ADD1: variants seen among roughly 807,000 people sequenced by gnomAD.
ADD1 encodes the protein adducin 1.
Under a neutral mutation model 80.5 loss-of-function variants are expected in ADD1, and 24 were observed. The observed-to-expected ratio is 0.30, with a 90% CI of 0.22 to 0.42. ADD1 has a LOEUF of 0.42. ADD1 is among the 10% of genes least tolerant of loss of function. The pLI is 1.00. For synonymous variants in ADD1, 373 were observed against 393.8 expected, an observed-to-expected ratio of 0.95 and a Z score of 0.63; for missense variants, 948 against 1,019.0, an observed-to-expected ratio of 0.93 and a Z score of 0.95.
chr4:2,894,355 G>A (rs1311623454), intron 5 of ADD1, among the ~76,000 whole-genome samples: 1 of 151,624 alleles, frequency 6.6e-6, no homozygotes, highest in Non-Finnish European at 1.5e-5. Flanking sequence ...ACTTAAGTTC[G>A]AGACCAGCCT....
At position 2,909,450 on chromosome 4, in the gene ADD1, T is replaced by C. The variant is rs1737631213; in HGVS notation, c.1791+19T>C. On this transcript the variant is annotated intron_variant, in intron 13 of 15. Transcript: ENST00000683351. ...TAGAAAGGTACTCACTGCCCTGTCC[T>C]CACTACCTGTCTATGCGCCTTGCTC... 6.5e-7 allele frequency: 1 copy of C among 1,531,770 alleles called. No homozygotes were observed. The highest frequency in any genetic ancestry group is 1.4e-5 in the African/African-American group (1 of 72,560). 94.9% of individuals were successfully genotyped at this position (1,531,770 alleles called of 1,614,324 possible). A position where few individuals can be genotyped will look rare whatever the true frequency, so the allele number is the denominator to read the frequency against.
At position 2,899,422 on chromosome 4, in the gene ADD1, T is replaced by C; in HGVS notation, c.1148T>C (p.Met383Thr). 1 of 1,614,218 alleles carries C rather than the reference T, an allele frequency of 6.2e-7. No homozygotes were observed. Among genetic ancestry groups the C allele is most frequent in the Non-Finnish European group, 8.5e-7 (1 of 1,180,040 alleles). The stretch of plus-strand genomic sequence containing the variant: ...CAGGAATTTGAAGCCCTCATGCGGA[T>C]GCTCGATAATCTGGTAAGAATGGTG... Reference protein sequence around the residue: ...GEQEFEALMRMLDNLGYRTGY... With the variant: ...GEQEFEALMRTLDNLGYRTGY... Residue 383 changes from methionine to threonine, a missense_variant, in exon 9 of 16, where the codon ATG becomes ACG. Physicochemically the swap from Met to Thr is moderately conservative, Grantham distance 81. Transcript: ENST00000683351.
intron 1 of ADD1, among the ~76,000 whole-genome samples, chr4:2,864,969 G>A (rs752590486): frequency 4.6e-5 from 7 of 152,058 alleles, no homozygotes; most frequent in Non-Finnish European, 7.4e-5. Flanking sequence ...ATGTGTGTGT[G>A]TATATCTATG....
At chr4:2,911,973 T>C (rs957706633) in intron 13 of ADD1, among the ~76,000 whole-genome samples, 1 of 152,198 alleles carries the variant, frequency 6.6e-6, no homozygotes, top group African/African-American at 2.4e-5. Context: ...ACTCTCTCAG[T>C]GACCTGTGTT....
intron 1 of ADD1, among the ~76,000 whole-genome samples, chr4:2,869,246 G>A (rs1192569117): frequency 1.3e-5 from 2 of 152,164 alleles, no homozygotes; most frequent in Non-Finnish European, 2.9e-5. Flanking sequence ...AGAAGTCTAA[G>A]ATCAGGGTGT....
chr4:2,853,121 T>G (rs1013786740), intron 1 of ADD1: 4 of 151,286 alleles, frequency 2.6e-5, no homozygotes, highest in Admixed American at 6.6e-5. Flanking sequence ...TTTTTTTTTT[T>G]TTTTTGAGAC....
intron 1 of ADD1, among the ~76,000 whole-genome samples, chr4:2,845,288 G>C (rs533703838): frequency 6.6e-6 from 1 of 152,240 alleles, no homozygotes; most frequent in East Asian, 1.9e-4. Context: ...GGCCAGGATG[G>C]TCTCAGTCTC....
At chr4:2,858,670 A>G (rs1374972202) in intron 1 of ADD1, among the ~76,000 whole-genome samples, 1 of 152,216 alleles carries the variant, frequency 6.6e-6, no homozygotes, top group Non-Finnish European at 1.5e-5. Flanking sequence ...GCTTATCTTT[A>G]GTTGCTTCAC....
Position 2,874,027 on chromosome 4 carries a change from T to C in ADD1, c.-20-1869T>C, listed in dbSNP as rs925871410. On this transcript the variant is annotated intron_variant, in intron 1 of 15. Coordinates refer to ENST00000683351, the MANE Select transcript of ADD1 (RefSeq NM_001354761.2). ...GAGTTTGAGACCAGCCCGGGCAACA[T>C]AGTGAGACCTCATCTCTACCAAAGA... 2.2e-3 allele frequency among the ~76,000 whole-genome samples: 326 copies of C among 151,524 alleles called. 1 individual carries two copies. The highest frequency in any genetic ancestry group is 7.7e-3 in the African/African-American group (316 of 41,270).
intron 10 of ADD1, among the ~76,000 whole-genome samples, chr4:2,906,141 A>G (rs1737016060): frequency 1.3e-5 from 2 of 152,144 alleles, no homozygotes; most frequent in Admixed American, 6.5e-5. Context: ...TTAAAGAAAA[A>G]AAGTTTTATC....
intron 1 of ADD1, among the ~76,000 whole-genome samples, chr4:2,849,764 A>G (rs1200952730): frequency 1.3e-5 from 2 of 152,208 alleles, no homozygotes; most frequent in Non-Finnish European, 2.9e-5. Context: ...TTTATTTCAC[A>G]GGAGAGGGAG....
At chr4:2,879,689 C>T (rs1321438077) in intron 2 of ADD1, among the ~76,000 whole-genome samples, 1 of 151,824 alleles carries the variant, frequency 6.6e-6, no homozygotes, top group Non-Finnish European at 1.5e-5. Flanking sequence ...GTGGCGTGAT[C>T]TCGGCTCACT....
intron 3 of ADD1, among the ~76,000 whole-genome samples, chr4:2,882,679 T>G (rs1732554707): frequency 6.6e-6 from 1 of 152,214 alleles, no homozygotes; most frequent in South Asian, 2.1e-4. Context: ...TCTGCTGACA[T>G]TTGCTATTTA....
intron 1 of ADD1, among the ~76,000 whole-genome samples, chr4:2,859,472 G>C (rs1728532390): frequency 6.6e-6 from 1 of 152,032 alleles, no homozygotes; most frequent in Admixed American, 6.5e-5. Context: ...GTGTACAAAG[G>C]AAATCATAGG....
intron 14 of ADD1, among the ~76,000 whole-genome samples, chr4:2,925,507 G>A (rs1342355235): frequency 6.6e-6 from 1 of 152,158 alleles, no homozygotes; most frequent in African/African-American, 2.4e-5. Context: ...GTTCTTATTA[G>A]CATTTTTCAC....
intron 1 of ADD1, among the ~76,000 whole-genome samples, chr4:2,855,626 T>C (rs1324042560): frequency 6.6e-6 from 1 of 151,886 alleles, no homozygotes; most frequent in African/African-American, 2.4e-5. Flanking sequence ...TTCAGTGTTT[T>C]AGTCCAGACT....
At chr4:2,909,002 G>A (rs1737542857) in intron 12 of ADD1, 2 of 446,138 alleles carry the variant, frequency 4.5e-6, no homozygotes, top group Non-Finnish European at 8.2e-6. Context: ...CAGAGGGGTG[G>A]GTGCCTGTAA....
chr4:2,876,194 C>A, intron 2 of ADD1, 84 bp downstream of exon 2: 2 of 1,329,122 alleles, frequency 1.5e-6, no homozygotes, highest in Non-Finnish European at 2.1e-6. Context: ...GTATGAGTGG[C>A]ATAGTTCATT....
In ADD1 at chr4:2,911,994, C is replaced by A. The variant is rs557580035; in HGVS notation, c.1791+2563C>A. 3.3e-5 allele frequency among the ~76,000 whole-genome samples: 5 copies of A among 152,312 alleles called. No individual in the cohort carries two copies. The South Asian group carries it at 1.0e-3, about 32-fold the overall frequency. On this transcript the variant is annotated intron_variant, in intron 13 of 15. Transcript: ENST00000683351. Reference sequence around the variant, plus strand: ...TCAGTGACCTGTGTTGAGCACCTAACCTGTGCATGGTCCAGCACTGGGAAT... The same window carrying A: ...TCAGTGACCTGTGTTGAGCACCTAAACTGTGCATGGTCCAGCACTGGGAAT...
Sources: gnomAD v4.1 joint callset for allele counts (sites outside exome capture counted in the v4.1 genomes callset) on GRCh38, gnomAD v4.1.1 for gene constraint, MANE v1.5 for transcripts, NCBI Gene and HGNC (gene_info 2026-07-23, HGNC 2026-07-21) for gene names.